GNAQ: variants seen among roughly 807,000 people sequenced by gnomAD.
The protein encoded by GNAQ is G protein subunit alpha q.
A neutral mutation model predicts 43.9 loss-of-function variants in GNAQ; 8 were observed. The observed-to-expected ratio is 0.18, with a 90% CI of 0.11 to 0.33. The LOEUF (loss-of-function observed/expected upper bound fraction) is 0.33. Ranked by LOEUF, GNAQ falls within the 10% of genes least tolerant of loss-of-function variation. The pLI is 1.00. For missense variants in GNAQ, 158 were observed against 450.8 expected (o/e 0.35, Z 5.88); for synonymous variants, 155 against 170.7 (o/e 0.91, Z 0.71).
intron 2 of GNAQ, among the ~76,000 whole-genome samples, chr9:77,885,242 C>T (rs1828283425): frequency 6.6e-6 from 1 of 152,070 alleles, no homozygotes; most frequent in South Asian, 2.1e-4. Context: ...CTGACAGAGG[C>T]CTAAACTCTA....
At chr9:77,958,303 T>TGAGAC in intron 1 of GNAQ, among the ~76,000 whole-genome samples, 1 of 152,176 alleles carries the variant, frequency 6.6e-6, no homozygotes, top group Admixed American at 6.5e-5. Context: ...TTATGGGCTG[T>TGAGAC]GTCTCCATTG....
Sources: gnomAD v4.1 joint callset for allele counts (sites outside exome capture counted in the v4.1 genomes callset) on GRCh38, gnomAD v4.1.1 for gene constraint, MANE v1.5 for transcripts, NCBI Gene and HGNC (gene_info 2026-07-23, HGNC 2026-07-21) for gene names.